Variants in ITFG2 observed in about 807,000 individuals in gnomAD.
ITFG2 encodes the protein integrin alpha FG-GAP repeat containing 2, also known as KICSTOR complex protein ITFG2.
ITFG2 carries 36 observed loss-of-function variants against 54.4 expected under a neutral mutation model. The ratio of observed to expected loss-of-function variants is 0.66; its 90% CI spans 0.51 to 0.87. The LOEUF (loss-of-function observed/expected upper bound fraction) is 0.87, where lower values mean the gene tolerates loss of function less well. ITFG2 is among the 40% of genes least tolerant of loss of function. The pLI, the probability that ITFG2 is intolerant of heterozygous loss-of-function variation, is 0.00. For missense variants in ITFG2, 524 were observed against 576.7 expected (o/e 0.91, Z 0.94); for synonymous variants, 211 against 225.4 (o/e 0.94, Z 0.57).
At chr12:2,841,347 G>T (rs1269081473) in intron 2 of ITFG2, among the ~76,000 whole-genome samples, 1 of 152,194 alleles carries the variant, frequency 6.6e-6, no homozygotes, top group Non-Finnish European at 1.5e-5. Flanking sequence ...TCGCCAGAGG[G>T]CTCTGGTGTT....
At chr12:2,840,337 C>T (rs936185918) in intron 1 of ITFG2, among the ~76,000 whole-genome samples, 11 of 151,610 alleles carry the variant, frequency 7.3e-5, no homozygotes, top group Non-Finnish European at 1.3e-4. Flanking sequence ...CCTGTAGTCC[C>T]AGCTACTCGG....
At chr12:2,836,553 T>C (rs1482130783), upstream of ITFG2, among the ~76,000 whole-genome samples, 1 of 152,214 alleles carries the variant, frequency 6.6e-6, no homozygotes, top group South Asian at 2.1e-4. Flanking sequence ...AAATACTGTA[T>C]TCTAATCCCC....
At chr12:2,819,983 AGATCGG>A in intron 4 of ITFG2, 97 bp from the exon 5 acceptor site, 2 of 1,431,940 alleles carry the variant, frequency 1.4e-6, no homozygotes, top group Non-Finnish European at 1.9e-6. Context: ...GTAGCACCGC[AGATCGG>A]GTGTGAAGCC....
At chr12:2,855,043 G>A (rs902859963) in intron 2 of ITFG2, 35 of 1,535,996 alleles carry the variant, frequency 2.3e-5, no homozygotes, top group South Asian at 2.0e-4. Flanking sequence ...GTCCACAAAC[G>A]TGGGATAACA....
rs187414356 is a variant in ITFG2, at chr12:2,813,970, G to T, written c.96+1114G>T. 1.3e-3 allele frequency among the ~76,000 whole-genome samples: 201 copies of T among 152,288 alleles called. 1 individual carries two copies. Among genetic ancestry groups the T allele is most frequent in the African/African-American group, 4.4e-3 (182 of 41,544 alleles). Reference sequence around the variant, plus strand: ...TTTTTTTGTTTTTTATAGAGACAGGGTCTCACTCTGTTGCCCAGGCTGGAG... The same window carrying T: ...TTTTTTTGTTTTTTATAGAGACAGGTTCTCACTCTGTTGCCCAGGCTGGAG... On this transcript the variant is annotated intron_variant, in intron 1 of 11. Transcript: ENST00000228799.
At chr12:2,821,931 CTTT>C (rs375280127) in intron 9 of ITFG2, 139 bp downstream of exon 9, 1,511 of 509,352 alleles carry the variant, frequency 3.0e-3, no homozygotes, top group South Asian at 3.9e-3. Context: ...TTTTTTTTTC[CTTT>C]TTTTTTTTTT....
intron 2 of ITFG2, chr12:2,849,410 AGTGAG>A: frequency 6.5e-7 from 1 of 1,536,174 alleles, no homozygotes; most frequent in East Asian, 2.4e-5. Context: ...TTCTCCTGGT[AGTGAG>A]GCAGAGGGTT....
intron 2 of ITFG2, among the ~76,000 whole-genome samples, chr12:2,851,111 C>T (rs902974836): frequency 6.7e-6 from 1 of 149,700 alleles, no homozygotes; most frequent in South Asian, 2.1e-4. Flanking sequence ...TGAGCAGTGC[C>T]GAGATCATAC....
intron 1 of ITFG2, among the ~76,000 whole-genome samples, chr12:2,813,083 C>T (rs1372831043): frequency 6.6e-6 from 1 of 152,260 alleles, no homozygotes; most frequent in Non-Finnish European, 1.5e-5. Context: ...GTCACCCAGG[C>T]TGGAGTGCAG....
chr12:2,827,503 A>C (rs139676087), downstream of ITFG2: 470 of 1,561,844 alleles, frequency 3.0e-4, 3 homozygotes, highest in East Asian at 0.01. This position sits in a 1 kb window ranked among gnomAD's most constrained non-coding sequence, Gnocchi z 4.0. Flanking sequence ...ACCTCTAAGG[A>C]AGCAAAGGGA....
intron 2 of ITFG2, among the ~76,000 whole-genome samples, chr12:2,842,232 CT>C: frequency 6.7e-6 from 1 of 149,158 alleles, no homozygotes; most frequent in Non-Finnish European, 1.5e-5. Flanking sequence ...AGGGATTCTC[CT>C]GCCTCAGCCT....
intron 10 of ITFG2, among the ~76,000 whole-genome samples, chr12:2,823,218 G>T (rs184699181): frequency 1.1e-3 from 175 of 152,344 alleles, no homozygotes; most frequent in Admixed American, 3.1e-3. Context: ...ATATTTTAAA[G>T]AATGGAATGA....
chr12:2,823,293 G>C (rs1037238761), intron 10 of ITFG2, among the ~76,000 whole-genome samples: 1 of 151,932 alleles, frequency 6.6e-6, no homozygotes, highest in South Asian at 2.1e-4. Context: ...CAGCATGCCA[G>C]GTCTCTGTGA....
chr12:2,857,845 T>A (rs941710290), intron 2 of ITFG2: 1 of 152,340 alleles, frequency 6.6e-6, no homozygotes, highest in Non-Finnish European at 1.5e-5. Context: ...ACCTGAGTTC[T>A]CGTCAATGCC....
chr12:2,834,845 G>C, upstream of ITFG2: 1 of 1,613,734 alleles, frequency 6.2e-7, no homozygotes, highest in Non-Finnish European at 8.5e-7. Flanking sequence ...GCCCCTGCTG[G>C]AGGAGTGGGC....
chr12:2,859,039 T>C, intron 3 of ITFG2: 1 of 1,609,498 alleles, frequency 6.2e-7, no homozygotes, highest in South Asian at 1.1e-5. Flanking sequence ...CCCCCTACTT[T>C]GGCTGGGGGC....
intron 2 of ITFG2, among the ~76,000 whole-genome samples, chr12:2,851,910 C>T (rs535805311): frequency 6.6e-6 from 1 of 152,202 alleles, no homozygotes; most frequent in African/African-American, 2.4e-5. Context: ...AACTCCTTAC[C>T]TCAAGTGATC....
intron 2 of ITFG2, among the ~76,000 whole-genome samples, chr12:2,843,292 G>A (rs938942318): frequency 3.9e-5 from 6 of 152,232 alleles, no homozygotes; most frequent in Non-Finnish European, 8.8e-5. Flanking sequence ...AGCAAGGGCC[G>A]CAGGCAGCCC....
At chr12:2,847,201 T>C (rs910455290) in intron 2 of ITFG2, among the ~76,000 whole-genome samples, 4 of 152,230 alleles carry the variant, frequency 2.6e-5, no homozygotes, top group African/African-American at 9.6e-5. Flanking sequence ...AAAAAAATTT[T>C]AATGTGTAAA....
Sources: allele counts gnomAD v4.1 joint callset (sites outside exome capture counted in the v4.1 genomes callset), GRCh38; gene constraint gnomAD v4.1.1; non-coding constraint Gnocchi (gnomAD v3.1); transcripts MANE v1.5; gene names NCBI Gene and HGNC (gene_info 2026-07-23, HGNC 2026-07-21).